Variants in PIGU observed in about 807,000 individuals in gnomAD.
PIGU encodes the protein phosphatidylinositol glycan anchor biosynthesis class U, also known as GPI-anchor transamidase component PIGU.
In PIGU, 24 loss-of-function variants were observed where a neutral mutation model predicts 49.9. That is an observed-to-expected ratio of 0.48 (90% confidence interval 0.35 to 0.68). The LOEUF is 0.68. Ranked by LOEUF, PIGU falls within the 30% of genes least tolerant of loss-of-function variation. The pLI is 0.01. For synonymous variants in PIGU, 220 were observed against 205.7 expected (o/e 1.07, Z -0.59); for missense variants, 490 against 532.6 (o/e 0.92, Z 0.79).
chr20:34,676,609 CT>C (rs1268984142), intron 1 of PIGU, among the ~76,000 whole-genome samples: 4 of 152,218 alleles, frequency 2.6e-5, no homozygotes, highest in Admixed American at 2.6e-4. Flanking sequence ...CCAAACTCCT[CT>C]GCAAGCCGCG....
chr20:34,585,805 C>T (rs1341589586), intron 8 of PIGU, among the ~76,000 whole-genome samples: 1 of 152,074 alleles, frequency 6.6e-6, no homozygotes, highest in Non-Finnish European at 1.5e-5. Flanking sequence ...TTAGCTAAGC[C>T]AAACAAATCT....
chr20:34,634,492 A>C lies in PIGU; in HGVS notation c.529+123T>G, dbSNP rs534710173. 4.5e-6 allele frequency: 6 copies of C among 1,346,146 alleles called. No homozygotes were observed. The African/African-American group carries it at 7.5e-5, about 17-fold the overall frequency. 83.4% of individuals were successfully genotyped at this position (1,346,146 alleles called of 1,614,324 possible). On this transcript the variant is annotated intron_variant, in intron 6 of 11. Transcript: ENST00000217446. ...CTAAATAATCTTGTATTACTTGTGT[A>C]ATTTTTAAAAATGTTTTTAAGTGTT...
chr20:34,583,802 C>T (rs1285605805), intron 9 of PIGU, among the ~76,000 whole-genome samples: 1 of 152,182 alleles, frequency 6.6e-6, no homozygotes, highest in Non-Finnish European at 1.5e-5. Context: ...AGAAGCCAGG[C>T]CAAGGCTGTG....
At chr20:34,659,248 A>G (rs1431238762) in intron 1 of PIGU, among the ~76,000 whole-genome samples, 9 of 89,662 alleles carry the variant, frequency 1.0e-4, no homozygotes, top group South Asian at 3.7e-4. Flanking sequence ...TCCGGGAGGG[A>G]GGTGGGGGGG....
chr20:34,675,112 G>A (rs1987454772), intron 1 of PIGU, among the ~76,000 whole-genome samples: 1 of 151,900 alleles, frequency 6.6e-6, no homozygotes, highest in African/African-American at 2.4e-5. Context: ...GCCAGGCATG[G>A]TGGTGCATGC....
intron 7 of PIGU, among the ~76,000 whole-genome samples, chr20:34,603,647 T>TC (rs1458811129): frequency 6.6e-6 from 1 of 152,158 alleles, no homozygotes; most frequent in African/African-American, 2.4e-5. Context: ...TCAAGATGAC[T>TC]CCAGTAGACT....
At chr20:34,674,772 C>CA (rs964549670) in intron 1 of PIGU, among the ~76,000 whole-genome samples, 7 of 151,410 alleles carry the variant, frequency 4.6e-5, no homozygotes, top group South Asian at 4.2e-4. Flanking sequence ...ACAAAAAATA[C>CA]AAAAAAATAA....
At chr20:34,663,012 A>G (rs1986975024) in intron 1 of PIGU, among the ~76,000 whole-genome samples, 1 of 152,126 alleles carries the variant, frequency 6.6e-6, no homozygotes, top group African/African-American at 2.4e-5. Flanking sequence ...GGCACAAGCG[A>G]TCATCCCACC....
chr20:34,567,153 G>A (rs942993686), intron 11 of PIGU, among the ~76,000 whole-genome samples: 2 of 152,250 alleles, frequency 1.3e-5, no homozygotes, highest in African/African-American at 2.4e-5. Flanking sequence ...AGTTGGCAAA[G>A]TGCAGCAGCC....
At position 34,575,244 on chromosome 20, in the gene PIGU, G is replaced by A. The variant is rs1300827253; in HGVS notation, c.1054C>T (p.Leu352=). 2 of 1,613,802 alleles carry A rather than the reference G, an allele frequency of 1.2e-6. No homozygotes were observed. The highest frequency in any genetic ancestry group is 2.7e-5 in the African/African-American group (2 of 74,918). Reference sequence around the variant, plus strand: ...CAGGTGAGGACAAAGATGTTTCTCAGGACTGCAAAGACAGAGGGTTACAGT... The same window carrying A: ...CAGGTGAGGACAAAGATGTTTCTCAAGACTGCAAAGACAGAGGGTTACAGT... ...FPVWNHLYRF[L]RNIFVLTCII... The change falls in exon 11 of 12, where the codon CTG becomes TTG. Residue 352 remains leucine, a splice_region_variant and synonymous_variant. Coordinates refer to ENST00000217446, the MANE Select transcript of PIGU (RefSeq NM_080476.5).
intron 11 of PIGU, among the ~76,000 whole-genome samples, 176 bp from the exon 12 acceptor site, chr20:34,561,155 A>C (rs1191312579): frequency 6.6e-6 from 1 of 152,042 alleles, no homozygotes; most frequent in Non-Finnish European, 1.5e-5. Context: ...TTGACCCTGC[A>C]AGGTCTGGCC....
chr20:34,592,358 A>C (rs1033258570), intron 7 of PIGU, among the ~76,000 whole-genome samples: 5 of 151,820 alleles, frequency 3.3e-5, no homozygotes, highest in African/African-American at 1.2e-4. Flanking sequence ...TAAAGGTACA[A>C]TATAAGGAAT....
At chr20:34,634,080 T>C (rs1985880423) in intron 6 of PIGU, among the ~76,000 whole-genome samples, 1 of 151,904 alleles carries the variant, frequency 6.6e-6, no homozygotes, top group South Asian at 2.1e-4. Flanking sequence ...CCTTTTTTAA[T>C]TTTTTTTAAG....
At position 34,575,106 on chromosome 20, in the gene PIGU, G is replaced by T. The variant is rs1391183181; in HGVS notation, c.1192C>A (p.Gln398Lys). Residue 398 changes from glutamine (Q) to lysine (K), a missense_variant and splice_region_variant, in exon 11 of 12, where the codon CAG becomes AAG. Gln to Lys is a moderately conservative substitution (Grantham distance 53). Transcript: ENST00000217446. ...YAITLTFNVG[Q>K]ILLISDYFYA... ...GACCCCCATGCTGTCCCTCTTACCT[G>T]CCCAACGTTGAAGGTCAGTGTGATG... 6.2e-7 allele frequency: 1 copy of T among 1,613,958 alleles called. No individual in the cohort carries two copies. Among genetic ancestry groups the T allele is most frequent in the Non-Finnish European group, 8.5e-7 (1 of 1,179,890 alleles).
At chr20:34,580,483 T>C (rs1377822464) in intron 10 of PIGU, among the ~76,000 whole-genome samples, 1 of 152,228 alleles carries the variant, frequency 6.6e-6, no homozygotes, top group East Asian at 1.9e-4. Flanking sequence ...TCAGTTTCAC[T>C]TCCTGGTTGA....
rs1984993910 is a variant in PIGU at position 34,616,060 on chromosome 20, T to C, written c.609A>G (p.Gly203=). The change falls in exon 7 of 12, where the codon GGA becomes GGG. Residue 203 remains glycine, a synonymous_variant. Transcript: ENST00000217446. ...TGCTTACCTGGAGGAGATAGAGGAG[T>C]CCTGGGACAAACAAGGTGAGTGGGT... ...SLYPLTLFVP[G]LLYLLQRQYI... The C allele has an allele frequency of 6.2e-7, 1 of 1,611,704 alleles. No individual in the cohort carries two copies. The highest frequency in any genetic ancestry group is 1.7e-4 in the Middle Eastern group (1 of 6,058).
At chr20:34,672,615 G>A (rs1987341641) in intron 1 of PIGU, among the ~76,000 whole-genome samples, 1 of 152,040 alleles carries the variant, frequency 6.6e-6, no homozygotes, top group Non-Finnish European at 1.5e-5. Context: ...CACTTTGGGA[G>A]GCCAAGGCAG....
chr20:34,648,397 C>T (rs1355893560), intron 2 of PIGU, among the ~76,000 whole-genome samples: 2 of 152,076 alleles, frequency 1.3e-5, no homozygotes, highest in Non-Finnish European at 2.9e-5. Context: ...AAATAATCCT[C>T]TTCATCTCTA....
intron 11 of PIGU, among the ~76,000 whole-genome samples, chr20:34,570,367 G>GT (rs1234355615): frequency 6.6e-6 from 1 of 152,158 alleles, no homozygotes; most frequent in Non-Finnish European, 1.5e-5. Context: ...TAGGGATCAC[G>GT]TGGGGCCAGC....
Sources: gnomAD v4.1 joint callset for allele counts (sites outside exome capture counted in the v4.1 genomes callset) on GRCh38, gnomAD v4.1.1 for gene constraint, MANE v1.5 for transcripts, NCBI Gene and HGNC (gene_info 2026-07-23, HGNC 2026-07-21) for gene names.